CNTN1: variants seen among roughly 807,000 people sequenced by gnomAD.
CNTN1 encodes contactin-1.
A neutral mutation model predicts 126.4 loss-of-function variants in CNTN1; 38 were observed. The ratio of observed to expected loss-of-function variants is 0.30; its 90% CI spans 0.23 to 0.39. The LOEUF (loss-of-function observed/expected upper bound fraction) is 0.39. Among genes scored for constraint, CNTN1 ranks in the 10% least tolerant of loss-of-function variants. The pLI is 1.00. For missense variants in CNTN1, 1,009 were observed against 1,248.4 expected (o/e 0.81, Z 2.89); for synonymous variants, 413 against 422.6 (o/e 0.98, Z 0.28).
intron 1 of CNTN1, among the ~76,000 whole-genome samples, chr12:40,889,807 G>T (rs961855282): frequency 1.3e-4 from 20 of 152,086 alleles, no homozygotes; most frequent in African/African-American, 4.3e-4. Flanking sequence ...AAGATGTTAG[G>T]GGACAGGTAC....
At chr12:41,043,171 G>C (rs1269113073) in intron 23 of CNTN1, among the ~76,000 whole-genome samples, 1 of 152,134 alleles carries the variant, frequency 6.6e-6, no homozygotes, top group Non-Finnish European at 1.5e-5. Flanking sequence ...AAACTAAAGA[G>C]CTCCTGCACA....
At chr12:40,755,190 C>CAAAAAAAAAAAAAAAAAAAAAAAAAAA (rs557970110) in intron 1 of CNTN1, among the ~76,000 whole-genome samples, 1 of 78,200 alleles carries the variant, frequency 1.3e-5, no homozygotes, top group African/African-American at 5.5e-5. Flanking sequence ...GACCCCACCT[C>CAAAAAAAAAAAAAAAAAAAAAAAAAAA]AAAAAAAAAA....
intron 1 of CNTN1, among the ~76,000 whole-genome samples, chr12:40,831,219 G>A (rs1205055980): frequency 6.7e-6 from 1 of 148,630 alleles, no homozygotes; most frequent in Non-Finnish European, 1.5e-5. Context: ...ATAATTAAAT[G>A]TATATACTAT....
chr12:40,861,441 T>G (rs1256188493), intron 1 of CNTN1, among the ~76,000 whole-genome samples: 2 of 152,090 alleles, frequency 1.3e-5, no homozygotes, highest in East Asian at 3.8e-4. Context: ...ATTTTTAAAG[T>G]TTTTTAATGG....
rs1267535072 is a variant in CNTN1 at position 40,905,869 on chromosome 12, C to A, written c.-76-2488C>A. Among the ~76,000 whole-genome samples the A allele has an allele frequency of 2.6e-5, 4 of 152,284 alleles. No individual in the cohort carries two copies. The East Asian group carries it at 7.7e-4, about 29-fold the overall frequency. On this transcript the variant is annotated intron_variant, in intron 1 of 23. Coordinates refer to ENST00000551295, the MANE Select transcript of CNTN1 (RefSeq NM_001843.4). ...TTTAGATAGGCATAACCAGTGTGTACACATTTCAAAAATTTTCACTTAAGT... is the reference window on the plus strand; with the variant it reads ...TTTAGATAGGCATAACCAGTGTGTAAACATTTCAAAAATTTTCACTTAAGT...
At chr12:40,772,938 G>GT (rs1294542114) in intron 1 of CNTN1, among the ~76,000 whole-genome samples, 13 of 151,870 alleles carry the variant, frequency 8.6e-5, no homozygotes, top group Non-Finnish European at 1.9e-4. Context: ...TCAAGCTCAG[G>GT]TAAGTGGAAA....
At chr12:40,975,440 A>G (rs1592350426) in intron 15 of CNTN1, among the ~76,000 whole-genome samples, 2 of 151,926 alleles carry the variant, frequency 1.3e-5, no homozygotes, top group East Asian at 3.9e-4. Context: ...TAGGTTAAAA[A>G]GTGACAGAAA....
In CNTN1 at chr12:40,918,715, G is replaced by A; in HGVS notation, c.171G>A (p.Leu57=). ...PINTIYPEES[L]EGKVSLNCRA... ...ATACCATTTATCCAGAGGAATCACT[G>A]GAAGGAAAAGTCTCACTCAACTGTA... The change falls in exon 4 of 24, where the codon CTG becomes CTA. Residue 57 remains leucine, a synonymous_variant. Transcript: ENST00000551295. 6.2e-7 allele frequency: 1 copy of A among 1,613,662 alleles called. No individual in the cohort carries two copies. Among genetic ancestry groups the A allele is most frequent in the Non-Finnish European group, 8.5e-7 (1 of 1,179,688 alleles).
At chr12:40,902,955 G>A (rs770830300) in intron 1 of CNTN1, among the ~76,000 whole-genome samples, 62 of 152,210 alleles carry the variant, frequency 4.1e-4, no homozygotes, top group Admixed American at 3.3e-4. Context: ...AGAATGACAA[G>A]TAGAGGAAGA....
chr12:41,013,051 T>A (rs1278257066), intron 17 of CNTN1, among the ~76,000 whole-genome samples: 2 of 152,090 alleles, frequency 1.3e-5, no homozygotes, highest in Non-Finnish European at 2.9e-5. Context: ...CAGAAAAGAC[T>A]GGCTGGCGTT....
intron 1 of CNTN1, among the ~76,000 whole-genome samples, chr12:40,710,959 T>C (rs544822473): frequency 5.3e-5 from 8 of 151,750 alleles, no homozygotes; most frequent in African/African-American, 1.9e-4. Context: ...TTCCACATGC[T>C]TTGGAACCTC....
At chr12:40,760,468 G>GTTT (rs550386071) in intron 1 of CNTN1, among the ~76,000 whole-genome samples, 1 of 145,162 alleles carries the variant, frequency 6.9e-6, no homozygotes, top group East Asian at 2.0e-4. Context: ...AGCAGTTAAT[G>GTTT]TTTTTTTTTT....
chr12:40,938,840 T>C (rs753415318), intron 11 of CNTN1, among the ~76,000 whole-genome samples: 7 of 152,166 alleles, frequency 4.6e-5, no homozygotes, highest in Admixed American at 1.3e-4. Context: ...AGTGAGGCGA[T>C]CACGCTTCAC....
intron 1 of CNTN1, among the ~76,000 whole-genome samples, chr12:40,880,911 A>C (rs1943848821): frequency 6.6e-6 from 1 of 151,934 alleles, no homozygotes; most frequent in African/African-American, 2.4e-5. Context: ...CTTCTGAGTA[A>C]AGTTACTGTG....
At chr12:41,046,870 CCTT>C (rs1269287747) in intron 23 of CNTN1, among the ~76,000 whole-genome samples, 3 of 93,482 alleles carry the variant, frequency 3.2e-5, no homozygotes, top group Non-Finnish European at 6.2e-5. Flanking sequence ...TTTTTTTTGT[CCTT>C]CATTCATCCT....
intron 1 of CNTN1, among the ~76,000 whole-genome samples, chr12:40,746,053 T>C (rs1056254147): frequency 6.6e-6 from 1 of 152,180 alleles, no homozygotes; most frequent in Non-Finnish European, 1.5e-5. Flanking sequence ...ATATTTACTT[T>C]AACAGTAAAA....
At chr12:40,889,890 T>C (rs1348589362) in intron 1 of CNTN1, among the ~76,000 whole-genome samples, 1 of 152,144 alleles carries the variant, frequency 6.6e-6, no homozygotes, top group Admixed American at 6.5e-5. Context: ...TTGGAGTCAA[T>C]AATAGTTACC....
chr12:40,693,259 C>T (rs1192535246), intron 1 of CNTN1, among the ~76,000 whole-genome samples: 1 of 152,246 alleles, frequency 6.6e-6, no homozygotes, highest in Non-Finnish European at 1.5e-5. Flanking sequence ...GGAGAGACCG[C>T]GGAGCCACGG....
intron 1 of CNTN1, among the ~76,000 whole-genome samples, chr12:40,837,010 C>T (rs918396355): frequency 6.6e-6 from 1 of 152,156 alleles, no homozygotes; most frequent in Non-Finnish European, 1.5e-5. Flanking sequence ...AATGTCAATG[C>T]ATTTATATAT....
Sources: gnomAD v4.1 joint callset for allele counts (sites outside exome capture counted in the v4.1 genomes callset) on GRCh38, gnomAD v4.1.1 for gene constraint, MANE v1.5 for transcripts, NCBI Gene and HGNC (gene_info 2026-07-23, HGNC 2026-07-21) for gene names.